The following MED13L variants were observed in gnomAD, a reference collection of about 807,000 sequenced individuals.
MED13L encodes the protein mediator of RNA polymerase II transcription subunit 13-like.
A neutral mutation model predicts 220.9 loss-of-function variants in MED13L; 7 were observed. The ratio of observed to expected loss-of-function variants is 0.03; its 90% CI spans 0.02 to 0.06. The LOEUF (loss-of-function observed/expected upper bound fraction) is 0.06. MED13L is among the 10% of genes least tolerant of loss of function. MED13L has a pLI of 1.00. For missense variants in MED13L, 1,965 were observed against 2,760.5 expected (o/e 0.71, Z 6.46); for synonymous variants, 1,011 against 1,015.2 (o/e 1.00, Z 0.08).
chr12:116,227,634 CTG>C (rs1869135063), intron 2 of MED13L, among the ~76,000 whole-genome samples: 1 of 152,180 alleles, frequency 6.6e-6, no homozygotes, highest in Non-Finnish European at 1.5e-5. Context: ...AAACAGCAGA[CTG>C]AACCAATTGA....
intron 1 of MED13L, chr12:116,276,750 T>G: frequency 2.4e-6 from 3 of 1,260,890 alleles, no homozygotes; most frequent in Middle Eastern, 3.2e-4. Flanking sequence ...AGAAGGGGAG[T>G]GCGATTGCAA....
intron 5 of MED13L, among the ~76,000 whole-genome samples, chr12:116,022,159 T>C (rs1880096736): frequency 6.6e-6 from 1 of 152,238 alleles, no homozygotes; most frequent in Non-Finnish European, 1.5e-5. Context: ...TTGAATTCTA[T>C]TTTTCAAGTA....
chr12:116,199,748 C>T (rs896799454), intron 2 of MED13L, among the ~76,000 whole-genome samples: 1 of 151,582 alleles, frequency 6.6e-6, no homozygotes, highest in African/African-American at 2.4e-5. Context: ...GGTCCAGTAT[C>T]AAAATCTAAT....
At chr12:116,271,512 T>G (rs965061353) in intron 1 of MED13L, among the ~76,000 whole-genome samples, 1 of 149,968 alleles carries the variant, frequency 6.7e-6, no homozygotes, top group Non-Finnish European at 1.5e-5. Context: ...GAGAATGGCG[T>G]GAACCCGGGA....
chr12:116,046,949 G>A (rs567458781), intron 4 of MED13L, among the ~76,000 whole-genome samples: 2 of 152,208 alleles, frequency 1.3e-5, no homozygotes, highest in East Asian at 1.9e-4. Flanking sequence ...CTCCAGCCTG[G>A]GCGACAGAGT....
chr12:116,100,299 T>C (rs115906061), intron 3 of MED13L, among the ~76,000 whole-genome samples: 3,123 of 152,032 alleles, frequency 0.021, 59 homozygotes, highest in Middle Eastern at 0.054. Flanking sequence ...CATGGATCTA[T>C]AGCTTTAAAA....
At chr12:116,227,213 G>A (rs759475062) in intron 2 of MED13L, among the ~76,000 whole-genome samples, 2 of 151,962 alleles carry the variant, frequency 1.3e-5, no homozygotes, top group South Asian at 2.1e-4. Context: ...CCATTCTTTC[G>A]CTATTTATCT....
Position 115,980,937 on chromosome 12 carries a change from A to G in MED13L, c.5177T>C (p.Ile1726Thr). 1.9e-6 allele frequency: 3 copies of G among 1,610,344 alleles called. No individual in the cohort carries two copies. Among genetic ancestry groups the G allele is most frequent in the Non-Finnish European group, 2.5e-6 (3 of 1,179,706 alleles). Reference sequence around the variant, plus strand: ...CTGCAGCATGTACTGGCAAGGCACAATCTAAAGACACAAATACAAAAAAAA... The same window carrying G: ...CTGCAGCATGTACTGGCAAGGCACAGTCTAAAGACACAAATACAAAAAAAA... ...EHMRNSFILQ[I>T]VPCQYMLQTM... The change falls in exon 23 of 31, where the codon ATT becomes ACT. Residue 1726 changes from isoleucine to threonine, a missense_variant and splice_region_variant. By Grantham distance (89) the Ile-to-Thr change is moderately conservative (BLOSUM62 -1). This residue lies in a region of MED13L where 510 missense variants were observed against 620.4 expected (regional missense o/e 0.82). Coordinates refer to ENST00000281928, the MANE Select transcript of MED13L (RefSeq NM_015335.5).
chr12:116,006,216 C>T (rs1879037504), intron 12 of MED13L, 90 bp downstream of exon 12: 8 of 1,293,930 alleles, frequency 6.2e-6, no homozygotes, highest in South Asian at 5.0e-5. Context: ...ATTCTTATTA[C>T]AATAAGAATA....
chr12:115,970,720 G>T lies in MED13L; in HGVS notation c.5941C>A (p.Gln1981Lys). ...TGAGGGGTGTTGAGCTGAGATGACT[G>T]CATGTTCAGTGCAGTACTTCGGCCA... The part of the protein sequence containing the change: ...VFGRSTALNM[Q>K]SSQLNTPQDA... Residue 1981 changes from glutamine (Q) to lysine (K), a missense_variant, in exon 27 of 31, where the codon CAG (glutamine) becomes AAG (lysine). Around this residue, in one of 10 missense-constraint regions of MED13L, gnomAD observed 145 missense variants for 328.3 expected, o/e 0.44. Transcript: ENST00000281928. 6.2e-7 allele frequency: 1 copy of T among 1,614,060 alleles called. No individual in the cohort carries two copies. The highest frequency in any genetic ancestry group is 8.5e-7 in the Non-Finnish European group (1 of 1,179,946).
At chr12:116,035,200 A>G (rs570819094) in intron 4 of MED13L, among the ~76,000 whole-genome samples, 4 of 152,176 alleles carry the variant, frequency 2.6e-5, no homozygotes, top group African/African-American at 9.7e-5. Context: ...AAAAATATAC[A>G]AGCGTGAAAC....
intron 14 of MED13L, among the ~76,000 whole-genome samples, chr12:115,997,679 C>T (rs1239614525): frequency 2.0e-5 from 3 of 152,214 alleles, no homozygotes; most frequent in Admixed American, 2.0e-4. Flanking sequence ...GCCTCGTACT[C>T]CCCAAGCGCT....
At chr12:116,067,451 C>A (rs954564053) in intron 4 of MED13L, among the ~76,000 whole-genome samples, 10 of 152,108 alleles carry the variant, frequency 6.6e-5, no homozygotes, top group Admixed American at 6.6e-4. Flanking sequence ...GTTTGGAGAT[C>A]CCCCATCAGA....
At chr12:116,156,786 C>T (rs1307578614) in intron 2 of MED13L, among the ~76,000 whole-genome samples, 1 of 152,132 alleles carries the variant, frequency 6.6e-6, no homozygotes, top group African/African-American at 2.4e-5. Flanking sequence ...TAGGGGTGGC[C>T]ATTATGCCTA....
intron 1 of MED13L, among the ~76,000 whole-genome samples, chr12:116,250,391 C>T (rs1871431942): frequency 3.3e-5 from 3 of 90,410 alleles, no homozygotes; most frequent in South Asian, 3.3e-4. Flanking sequence ...ACGAGGAACA[C>T]GACACAAGAT....
intron 23 of MED13L, among the ~76,000 whole-genome samples, chr12:115,977,629 A>G (rs921736312): frequency 1.3e-5 from 2 of 152,218 alleles, no homozygotes; most frequent in Non-Finnish European, 2.9e-5. Flanking sequence ...AGGAAAAGAA[A>G]TGAAGTACTG....
At chr12:116,074,654 C>A (rs1011288376) in intron 4 of MED13L, among the ~76,000 whole-genome samples, 3 of 152,196 alleles carry the variant, frequency 2.0e-5, no homozygotes, top group African/African-American at 7.2e-5. Context: ...CTTCAAGAGG[C>A]AGAGAGAAAG....
At chr12:116,032,199 C>A (rs1439709697) in intron 4 of MED13L, among the ~76,000 whole-genome samples, 6 of 151,898 alleles carry the variant, frequency 4.0e-5, no homozygotes, top group African/African-American at 1.5e-4. Context: ...TATAATTTCC[C>A]AAAATGATCT....
intron 1 of MED13L, among the ~76,000 whole-genome samples, chr12:116,266,659 C>G (rs953593985): frequency 1.3e-5 from 2 of 152,192 alleles, no homozygotes; most frequent in African/African-American, 4.8e-5. Flanking sequence ...GTACAATATA[C>G]AAGGTAAATA....
Sources: gnomAD v4.1 joint callset for allele counts (sites outside exome capture counted in the v4.1 genomes callset) on GRCh38, gnomAD v4.1.1 for gene constraint, gnomAD v4.1.1 regional missense constraint, MANE v1.5 for transcripts, NCBI Gene and HGNC (gene_info 2026-07-23, HGNC 2026-07-21) for gene names.